Variants in CATSPERB observed in about 807,000 individuals in gnomAD.
CATSPERB encodes the protein cation channel sperm-associated auxiliary subunit beta.
CATSPERB carries 93 observed loss-of-function variants against 128.3 expected under a neutral mutation model. That is an observed-to-expected ratio of 0.72 (90% CI 0.61 to 0.86). The LOEUF (loss-of-function observed/expected upper bound fraction) is 0.86. CATSPERB is among the 40% of genes least tolerant of loss of function. The pLI is 0.00. For missense variants in CATSPERB, 1,153 were observed against 1,329.5 expected, an observed-to-expected ratio of 0.87 and a Z score of 2.06; for synonymous variants, 381 against 448.8, an observed-to-expected ratio of 0.85 and a Z score of 1.91.
At chr14:91,707,761 G>T (rs1895759216) in intron 6 of CATSPERB, among the ~76,000 whole-genome samples, 1 of 148,212 alleles carries the variant, frequency 6.7e-6, no homozygotes, top group African/African-American at 2.5e-5. Context: ...ACCATGCCTG[G>T]TTAACTTTTT....
intron 7 of CATSPERB, among the ~76,000 whole-genome samples, chr14:91,696,050 C>T (rs1895556692): frequency 6.6e-6 from 1 of 152,124 alleles, no homozygotes; most frequent in Non-Finnish European, 1.5e-5. Context: ...ATTTGAGATG[C>T]TTATTAGCCA....
chr14:91,722,074 A>G (rs1896043791), intron 4 of CATSPERB, among the ~76,000 whole-genome samples: 1 of 152,200 alleles, frequency 6.6e-6, no homozygotes, highest in Non-Finnish European at 1.5e-5. Flanking sequence ...TTGGAATTCT[A>G]ACAAGCTGCT....
chr14:91,729,738 C>A (rs79911934), intron 1 of CATSPERB, among the ~76,000 whole-genome samples: 1 of 150,710 alleles, frequency 6.6e-6, no homozygotes, highest in Non-Finnish European at 1.5e-5. Flanking sequence ...AGTAGGTAAC[C>A]TTTAGAGAGG....
chr14:91,633,681 A>G lies in CATSPERB; in HGVS notation c.1742+2744T>C, dbSNP rs189044371. ...TTTACAACGTTAAATAAAAAGTTAAAGGAAAAAATTCTATAGATAAGCTCA... is the reference window on the plus strand; with the variant it reads ...TTTACAACGTTAAATAAAAAGTTAAGGGAAAAAATTCTATAGATAAGCTCA... On this transcript the variant is annotated intron_variant, in intron 17 of 26. Coordinates refer to ENST00000256343, the MANE Select transcript of CATSPERB (RefSeq NM_024764.4). Among the ~76,000 whole-genome samples the G allele has an allele frequency of 3.9e-5, 6 of 152,236 alleles. No homozygotes were observed. In the East Asian group the frequency reaches 1.2e-3, roughly 29 times the overall value.
chr14:91,729,496 G>C lies in CATSPERB; in HGVS notation c.1-17C>G, dbSNP rs376167526. On this transcript the variant is annotated splice_polypyrimidine_tract_variant and intron_variant, in intron 1 of 26. Coordinates refer to ENST00000256343, the MANE Select transcript of CATSPERB (RefSeq NM_024764.4). The stretch of plus-strand genomic sequence containing the variant: ...CGATTCCATCTGTTGGAATAAATAA[G>C]AATTATTTTCACTCAATTTCTGAAC... 8.0e-6 allele frequency: 11 copies of C among 1,374,848 alleles called. No homozygotes were observed. The highest frequency in any genetic ancestry group is 1.4e-5 in the African/African-American group (1 of 68,998). 85.2% of individuals were successfully genotyped at this position (1,374,848 alleles called of 1,614,324 possible). A position where few individuals can be genotyped will look rare whatever the true frequency, so the allele number is the denominator to read the frequency against.
At chr14:91,652,682 A>G (rs1384485986) in intron 15 of CATSPERB, among the ~76,000 whole-genome samples, 1 of 47,716 alleles carries the variant, frequency 2.1e-5, no homozygotes, top group Non-Finnish European at 4.4e-5. Flanking sequence ...AAAAAAAAAA[A>G]AAAAAAAAAA....
chr14:91,581,795 G>A (rs1893210760), intron 26 of CATSPERB, among the ~76,000 whole-genome samples: 1 of 152,188 alleles, frequency 6.6e-6, no homozygotes, highest in African/African-American at 2.4e-5. Context: ...CATAAAGAGA[G>A]TAGGGGGTTC....
rs143191905 is a variant in CATSPERB, at chr14:91,723,358, A to G, written c.169-169T>C. Among the ~76,000 whole-genome samples, 789 of 152,282 alleles carry G rather than the reference A, an allele frequency of 5.2e-3. 7 individuals carry two copies. The highest frequency in any genetic ancestry group is 0.018 in the African/African-American group (737 of 41,572). ...GTAACCTATTATGCTAGCATCATAAAGGTTTCATCTTAATAATAATCTTTT... is the reference window on the plus strand; with the variant it reads ...GTAACCTATTATGCTAGCATCATAAGGGTTTCATCTTAATAATAATCTTTT... On this transcript the variant is annotated intron_variant, in intron 3 of 26. Coordinates refer to ENST00000256343, the MANE Select transcript of CATSPERB (RefSeq NM_024764.4).
intron 4 of CATSPERB, among the ~76,000 whole-genome samples, chr14:91,719,993 AG>A (rs1428929679): frequency 8.5e-5 from 13 of 152,220 alleles, no homozygotes; most frequent in Admixed American, 6.5e-4. Flanking sequence ...GCAAGCTAAA[AG>A]AATTGAGTAG....
At chr14:91,720,512 G>T (rs1428466013) in intron 4 of CATSPERB, among the ~76,000 whole-genome samples, 1 of 151,528 alleles carries the variant, frequency 6.6e-6, no homozygotes, top group Non-Finnish European at 1.5e-5. Context: ...TAAAATATTA[G>T]AAATAAATTT....
chr14:91,676,458 A>T (rs912065722), intron 11 of CATSPERB, among the ~76,000 whole-genome samples: 1 of 152,112 alleles, frequency 6.6e-6, no homozygotes, highest in Non-Finnish European at 1.5e-5. Flanking sequence ...AGCAAAAAAA[A>T]TTCAGAGCTC....
intron 20 of CATSPERB, among the ~76,000 whole-genome samples, chr14:91,615,085 T>C (rs1893910355): frequency 6.6e-6 from 1 of 152,098 alleles, no homozygotes; most frequent in African/African-American, 2.4e-5. Context: ...TGAGATCTTG[T>C]ACCCCAGGGG....
At chr14:91,640,491 AGT>A (rs1894476169) in intron 15 of CATSPERB, among the ~76,000 whole-genome samples, 1 of 113,714 alleles carries the variant, frequency 8.8e-6, no homozygotes, top group South Asian at 3.3e-4. Flanking sequence ...GAGAATATGC[AGT>A]GTTTGGTTTT....
intron 10 of CATSPERB, among the ~76,000 whole-genome samples, chr14:91,684,605 CTT>C (rs1160778932): frequency 0.027 from 3,041 of 112,250 alleles, 73 homozygotes; most frequent in Middle Eastern, 0.084. Flanking sequence ...GGAGACACTT[CTT>C]TTTTTTTTTT....
intron 15 of CATSPERB, among the ~76,000 whole-genome samples, chr14:91,646,402 T>C (rs1704628): frequency 0.19 from 28,206 of 152,136 alleles, 2,777 homozygotes; most frequent in South Asian, 0.24. Flanking sequence ...AATTGGTCTC[T>C]GTGATTCTGC....
chr14:91,595,328 T>C (rs1893486301), intron 22 of CATSPERB, among the ~76,000 whole-genome samples: 1 of 151,774 alleles, frequency 6.6e-6, no homozygotes, highest in Non-Finnish European at 1.5e-5. Flanking sequence ...TTAATTTATT[T>C]ATTTTTATTT....
At chr14:91,685,846 G>GGTAGGGGCAGGATGGCTGCAT (rs1433323798) in intron 10 of CATSPERB, among the ~76,000 whole-genome samples, 1 of 152,164 alleles carries the variant, frequency 6.6e-6, no homozygotes, top group Non-Finnish European at 1.5e-5. Flanking sequence ...GATGGCTGCA[G>GGTAGGGGCAGGATGGCTGCAT]GTAGAGGCAG....
At chr14:91,704,772 G>A (rs1220163753) in intron 6 of CATSPERB, 71 bp from the exon 7 acceptor site, 2 of 1,459,426 alleles carry the variant, frequency 1.4e-6, no homozygotes, top group Non-Finnish European at 9.3e-7. Flanking sequence ...TTCCTTTAAA[G>A]GTTTTAAAAG....
rs1385131371 is a variant in CATSPERB, at chr14:91,672,881, G to C, written c.1114C>G (p.Leu372Val). ...VDQERGTGVY[L>V]FYNKVRKTAI... ...ATAAGGCCTACCTTGTTATAGAAGA[G>C]GTAAACTCCAGTACCACGCTCTTGG... The change falls in exon 13 of 27, where the codon CTC becomes GTC. Residue 372 changes from leucine (L) to valine (V), a missense_variant. Leu to Val is a conservative substitution (Grantham distance 32). Transcript: ENST00000256343. 5.1e-6 allele frequency: 8 copies of C among 1,569,288 alleles called. No homozygotes were observed. The highest frequency in any genetic ancestry group is 6.8e-6 in the Non-Finnish European group (8 of 1,168,538).
Sources: gnomAD v4.1 joint callset for allele counts (sites outside exome capture counted in the v4.1 genomes callset) on GRCh38, gnomAD v4.1.1 for gene constraint, MANE v1.5 for transcripts, NCBI Gene and HGNC (gene_info 2026-07-23, HGNC 2026-07-21) for gene names.